The following SLC8A1 variants were observed in gnomAD, a reference collection of about 807,000 sequenced individuals.
The protein encoded by SLC8A1 is solute carrier family 8 member A1.
A neutral mutation model predicts 68.3 loss-of-function variants in SLC8A1; 18 were observed. That is an observed-to-expected ratio of 0.26 (90% CI 0.18 to 0.39). SLC8A1 has a LOEUF of 0.39. Ranked by LOEUF, SLC8A1 falls within the 10% of genes least tolerant of loss-of-function variation. SLC8A1 has a pLI of 1.00. For missense variants in SLC8A1, 985 were observed against 1,156.7 expected (o/e 0.85, Z 2.15); for synonymous variants, 475 against 415.5 (o/e 1.14, Z -1.74).
At position 40,486,205 on chromosome 2, in the gene SLC8A1, GTAA is replaced by G. The variant is rs540871962; in HGVS notation, c.-25+26141_-25+26143del. Among the ~76,000 whole-genome samples, 27 of 152,262 alleles carry G rather than the reference GTAA, an allele frequency of 1.8e-4. No individual in the cohort carries two copies. In the South Asian group the frequency reaches 5.4e-3, roughly 30 times the overall value. On this transcript the variant is annotated intron_variant, in intron 1 of 7. Transcript: ENST00000402441. ...TTCCCTTTTGCCTTCTGCCATGATT[GTAA>G]ATTTCCTGAGGTCTCCCCAGCTATG...
intron 1 of SLC8A1, among the ~76,000 whole-genome samples, chr2:40,431,977 G>T (rs1437714237): frequency 1.3e-5 from 2 of 152,106 alleles, no homozygotes; most frequent in East Asian, 3.9e-4. Context: ...TCAGAGGAGG[G>T]TTATAGCAGT....
intron 2 of SLC8A1, among the ~76,000 whole-genome samples, chr2:40,242,013 CT>C (rs1341692746): frequency 6.6e-6 from 1 of 152,054 alleles, no homozygotes; most frequent in African/African-American, 2.4e-5. Flanking sequence ...CTATAGTTTG[CT>C]ACTAACTTCG....
chr2:40,191,737 C>A (rs774229469), intron 2 of SLC8A1, among the ~76,000 whole-genome samples: 1 of 151,946 alleles, frequency 6.6e-6, no homozygotes, highest in Non-Finnish European at 1.5e-5. Context: ...TGATTGTAGA[C>A]GAAAATCTGT....
chr2:40,322,875 C>T (rs1019777933), intron 2 of SLC8A1, among the ~76,000 whole-genome samples: 11 of 151,506 alleles, frequency 7.3e-5, no homozygotes, highest in African/African-American at 9.7e-5. Flanking sequence ...CACACAGAAT[C>T]TCATTTAATC....
At chr2:40,161,663 C>T (rs372791085) in intron 5 of SLC8A1, among the ~76,000 whole-genome samples, 70 of 152,230 alleles carry the variant, frequency 4.6e-4, no homozygotes, top group African/African-American at 1.4e-3. Context: ...CAAACATTCA[C>T]GAGAAAACTA....
chr2:40,396,680 T>G (rs1344527068), intron 2 of SLC8A1, among the ~76,000 whole-genome samples: 4 of 146,380 alleles, frequency 2.7e-5, no homozygotes, highest in African/African-American at 1.0e-4. Context: ...GAAAAAAAGA[T>G]TACTAGTCTA....
At chr2:40,293,756 T>G (rs528831410) in intron 2 of SLC8A1, among the ~76,000 whole-genome samples, 52 of 152,288 alleles carry the variant, frequency 3.4e-4, no homozygotes, top group African/African-American at 1.3e-3. Flanking sequence ...ACTATTCTAC[T>G]GCTATCAGTG....
chr2:40,323,322 C>G (rs1207198721), intron 2 of SLC8A1, among the ~76,000 whole-genome samples: 3 of 152,120 alleles, frequency 2.0e-5, no homozygotes, highest in Non-Finnish European at 2.9e-5. Context: ...TAACTTAAGA[C>G]TTTAAGACAC....
intron 7 of SLC8A1, among the ~76,000 whole-genome samples, chr2:40,130,060 C>G (rs1207567997): frequency 6.6e-6 from 1 of 152,164 alleles, no homozygotes; most frequent in Non-Finnish European, 1.5e-5. Context: ...GGTGCCCATG[C>G]AGTACTGCCC....
At chr2:40,180,895 C>T (rs902040885) in intron 2 of SLC8A1, among the ~76,000 whole-genome samples, 9 of 152,058 alleles carry the variant, frequency 5.9e-5, no homozygotes, top group Non-Finnish European at 5.9e-5. Flanking sequence ...AATCACCAAA[C>T]AACATATTGT....
At chr2:40,337,965 G>C (rs1666512665) in intron 2 of SLC8A1, among the ~76,000 whole-genome samples, 1 of 152,084 alleles carries the variant, frequency 6.6e-6, no homozygotes, top group Non-Finnish European at 1.5e-5. Flanking sequence ...AGGGTGTTGA[G>C]GCAGAGAGAG....
chr2:40,134,830 G>T (rs2148241772), intron 7 of SLC8A1, among the ~76,000 whole-genome samples: 1 of 152,176 alleles, frequency 6.6e-6, no homozygotes, highest in South Asian at 2.1e-4. Context: ...ACCATTCTAG[G>T]CACTAGATTA....
intron 1 of SLC8A1, among the ~76,000 whole-genome samples, chr2:40,466,793 T>C (rs1054523155): frequency 2.6e-5 from 4 of 152,178 alleles, no homozygotes; most frequent in Non-Finnish European, 4.4e-5. Context: ...AAATTGCAAC[T>C]TGGACTCTGT....
intron 2 of SLC8A1, among the ~76,000 whole-genome samples, chr2:40,406,929 G>A (rs749257699): frequency 3.3e-5 from 5 of 150,846 alleles, no homozygotes; most frequent in Non-Finnish European, 5.9e-5. Context: ...TCTGTGTTGT[G>A]TTCTCAATTC....
chr2:40,213,290 C>G (rs1187997785), intron 2 of SLC8A1: 1 of 152,098 alleles, frequency 6.6e-6, no homozygotes, highest in Non-Finnish European at 1.5e-5. Flanking sequence ...ATCCACTGTC[C>G]ACAGCCAAGG....
chr2:40,496,324 T>C (rs567882552), intron 1 of SLC8A1, among the ~76,000 whole-genome samples: 3 of 152,264 alleles, frequency 2.0e-5, no homozygotes, highest in Non-Finnish European at 2.9e-5. Flanking sequence ...TGAGGTTATC[T>C]GATTAAAATT....
chr2:40,263,321 G>C (rs890751606), intron 2 of SLC8A1, among the ~76,000 whole-genome samples: 57 of 152,192 alleles, frequency 3.7e-4, no homozygotes, highest in Non-Finnish European at 7.2e-4. Context: ...TAGCAACACA[G>C]TGCTAGCTGT....
At chr2:40,157,824 G>T (rs1175292484) in intron 6 of SLC8A1, among the ~76,000 whole-genome samples, 3 of 152,192 alleles carry the variant, frequency 2.0e-5, no homozygotes, top group African/African-American at 7.2e-5. Flanking sequence ...CTGCCAGGAT[G>T]TAACTGCTTA....
chr2:40,499,234 G>A (rs575635007), intron 1 of SLC8A1, among the ~76,000 whole-genome samples: 13 of 152,186 alleles, frequency 8.5e-5, no homozygotes, highest in Admixed American at 3.9e-4. Context: ...CAGTGGAGTA[G>A]AGGATAACAT....
Sources: allele counts gnomAD v4.1 joint callset (sites outside exome capture counted in the v4.1 genomes callset), GRCh38; gene constraint gnomAD v4.1.1; transcripts MANE v1.5; gene names NCBI Gene and HGNC (gene_info 2026-07-23, HGNC 2026-07-21).